Variants in ZNF407 observed in about 807,000 individuals in gnomAD.
ZNF407 encodes zinc finger protein 407.
Under a neutral mutation model 131.2 loss-of-function variants are expected in ZNF407, and 17 were observed. That is an observed-to-expected ratio of 0.13 (90% CI 0.09 to 0.19). ZNF407 has a LOEUF of 0.19. Among genes scored for constraint, ZNF407 ranks in the 10% least tolerant of loss-of-function variants. The pLI, the probability that ZNF407 is intolerant of heterozygous loss-of-function variation, is 1.00. For synonymous variants in ZNF407, 1,156 were observed against 1,062.0 expected (o/e 1.09, Z -1.72); for missense variants, 2,681 against 2,830.6 (o/e 0.95, Z 1.20).
chr18:74,910,558 T>C (rs1054820553), intron 7 of ZNF407, among the ~76,000 whole-genome samples: 1 of 152,212 alleles, frequency 6.6e-6, no homozygotes, highest in Non-Finnish European at 1.5e-5. Flanking sequence ...AAAGCAGTTA[T>C]GTGTAATCTA....
chr18:74,906,742 G>T (rs930899211), intron 7 of ZNF407, among the ~76,000 whole-genome samples: 1 of 149,804 alleles, frequency 6.7e-6, no homozygotes, highest in Non-Finnish European at 1.5e-5. Context: ...TCATATATCT[G>T]TGGGTGTATA....
intron 8 of ZNF407, among the ~76,000 whole-genome samples, chr18:75,039,247 G>A (rs1314791830): frequency 1.3e-5 from 2 of 152,142 alleles, no homozygotes; most frequent in Non-Finnish European, 2.9e-5. Flanking sequence ...AAACCTGTTC[G>A]ATGTGTCAGT....
intron 3 of ZNF407, among the ~76,000 whole-genome samples, chr18:74,672,066 G>A (rs1038714198): frequency 6.6e-6 from 1 of 151,988 alleles, no homozygotes; most frequent in African/African-American, 2.4e-5. Flanking sequence ...TAGTCCTCTG[G>A]GTATATACCT....
At chr18:74,771,079 A>G (rs1381120095) in intron 3 of ZNF407, among the ~76,000 whole-genome samples, 1 of 152,156 alleles carries the variant, frequency 6.6e-6, no homozygotes, top group African/African-American at 2.4e-5. Context: ...AAGTTGCTTG[A>G]TATAAAATTA....
intron 3 of ZNF407, among the ~76,000 whole-genome samples, chr18:74,757,330 G>C (rs1239181912): frequency 6.6e-6 from 1 of 151,798 alleles, no homozygotes; most frequent in Non-Finnish European, 1.5e-5. Flanking sequence ...TACATCTTCT[G>C]AGTTTTTATA....
chr18:74,860,318 A>G (rs977359980), intron 4 of ZNF407, among the ~76,000 whole-genome samples: 3 of 151,868 alleles, frequency 2.0e-5, no homozygotes, highest in African/African-American at 7.3e-5. Context: ...GAAGAAGAAG[A>G]AGAAGAAGAA....
At chr18:74,646,550 T>A (rs1984982486) in intron 3 of ZNF407, among the ~76,000 whole-genome samples, 1 of 152,242 alleles carries the variant, frequency 6.6e-6, no homozygotes, top group African/African-American at 2.4e-5. Context: ...TATGTGATGA[T>A]TGCTGTCTCT....
At chr18:74,893,007 G>C (rs922014711) in intron 7 of ZNF407, among the ~76,000 whole-genome samples, 1 of 152,100 alleles carries the variant, frequency 6.6e-6, no homozygotes, top group African/African-American at 2.4e-5. Flanking sequence ...ATGCATACAA[G>C]TATTTCACAG....
At chr18:74,887,497 A>G (rs1444263853) in intron 6 of ZNF407, among the ~76,000 whole-genome samples, 1 of 152,130 alleles carries the variant, frequency 6.6e-6, no homozygotes, top group Non-Finnish European at 1.5e-5. Context: ...ATTTCCTGGT[A>G]GGATCTGTTA....
intron 8 of ZNF407, among the ~76,000 whole-genome samples, chr18:74,934,748 G>A (rs898280934): frequency 2.6e-5 from 4 of 152,242 alleles, no homozygotes; most frequent in African/African-American, 4.8e-5. Context: ...GGAGGTTGCA[G>A]TGAGCCGAGA....
chr18:74,876,906 G>C (rs1366013030), intron 4 of ZNF407, among the ~76,000 whole-genome samples: 1 of 152,236 alleles, frequency 6.6e-6, no homozygotes, highest in Non-Finnish European at 1.5e-5. Context: ...AAGTGGTGTA[G>C]GCCTGTACAG....
chr18:75,014,755 T>C (rs1271584068), intron 8 of ZNF407, among the ~76,000 whole-genome samples: 3 of 152,154 alleles, frequency 2.0e-5, no homozygotes, highest in Non-Finnish European at 4.4e-5. Context: ...ATATACAAAT[T>C]GAAAGTAAAA....
At chr18:75,054,076 C>T (rs1973533288) in intron 8 of ZNF407, among the ~76,000 whole-genome samples, 1 of 152,254 alleles carries the variant, frequency 6.6e-6, no homozygotes, top group Non-Finnish European at 1.5e-5. Flanking sequence ...TGGAGGTCTC[C>T]TGGCACACAC....
At chr18:74,620,239 A>C (rs1251682871) in intron 1 of ZNF407, among the ~76,000 whole-genome samples, 1 of 152,138 alleles carries the variant, frequency 6.6e-6, no homozygotes, top group East Asian at 1.9e-4. Flanking sequence ...TAGTACTTGG[A>C]GTATAGGAAG....
intron 4 of ZNF407, among the ~76,000 whole-genome samples, chr18:74,849,808 G>A (rs145285309): frequency 1.6e-3 from 249 of 152,290 alleles, no homozygotes; most frequent in Middle Eastern, 0.014. Flanking sequence ...GAAATCTCCT[G>A]TTTATGTACT....
At chr18:74,896,813 G>T (rs1971459879) in intron 7 of ZNF407, among the ~76,000 whole-genome samples, 2 of 152,088 alleles carry the variant, frequency 1.3e-5, no homozygotes, top group African/African-American at 4.8e-5. Context: ...ATCTGTTCAG[G>T]TGTTCTATAA....
chr18:74,781,022 C>T (rs1310591358), intron 3 of ZNF407, among the ~76,000 whole-genome samples: 1 of 152,082 alleles, frequency 6.6e-6, no homozygotes, highest in Non-Finnish European at 1.5e-5. Flanking sequence ...TTCTTTTTCT[C>T]TTTTACGGTC....
At chr18:74,915,614 C>T (rs1230147396) in intron 7 of ZNF407, among the ~76,000 whole-genome samples, 1 of 98,150 alleles carries the variant, frequency 1.0e-5, no homozygotes, top group Admixed American at 1.2e-4. Context: ...AGCATTGGTT[C>T]GAATCGGGAG....
intron 3 of ZNF407, among the ~76,000 whole-genome samples, chr18:74,760,877 A>G (rs377428861): frequency 9.2e-5 from 14 of 152,242 alleles, no homozygotes; most frequent in African/African-American, 3.4e-4. Context: ...CTTATTGTTG[A>G]GTTGGTTTTC....
Sources: gnomAD v4.1 joint callset for allele counts (sites outside exome capture counted in the v4.1 genomes callset) on GRCh38, gnomAD v4.1.1 for gene constraint, MANE v1.5 for transcripts, NCBI Gene and HGNC (gene_info 2026-07-23, HGNC 2026-07-21) for gene names.